The following KCTD8 variants were observed in gnomAD, a reference collection of about 807,000 sequenced individuals.
KCTD8 encodes BTB/POZ domain-containing protein KCTD8.
KCTD8 carries 27 observed loss-of-function variants against 31.5 expected under a neutral mutation model. The observed-to-expected ratio is 0.86, with a 90% CI of 0.63 to 1.18. The LOEUF (loss-of-function observed/expected upper bound fraction) is 1.18. Ranked by LOEUF, KCTD8 falls within the 50% of genes most tolerant of loss-of-function variation. The probability of loss-of-function intolerance (pLI) is 0.00; values close to 1 mark genes in which losing one functional copy is unlikely to be tolerated. For synonymous variants in KCTD8, 290 were observed against 280.0 expected (o/e 1.04, Z -0.36); for missense variants, 658 against 647.7 (o/e 1.02, Z -0.17).
chr4:44,174,904 C>T lies in KCTD8; in HGVS notation c.1308G>A (p.Val436=), dbSNP rs926761461. Residue 436 remains valine (V), a synonymous_variant, in exon 2 of 2, where the codon GTG becomes GTA. Transcript: ENST00000360029. ...GAATACACTTTTTCATTTCTTCTTC[C>T]ACACTTAGCTTCTCACAGACTTTCT... ...SKKKVCEKLS[V]EEEMKKCIQD... is the part of the protein sequence containing the mutation. The T allele has an allele frequency of 1.2e-6, 2 of 1,614,038 alleles. No homozygotes were observed. The highest frequency in any genetic ancestry group is 1.7e-6 in the Non-Finnish European group (2 of 1,179,970).
In KCTD8 at chr4:44,348,553, G is replaced by T. The variant is rs1719098606; in HGVS notation, c.961+99010C>A. Among the ~76,000 whole-genome samples, 3 of 152,058 alleles carry T rather than the reference G, an allele frequency of 2.0e-5. 1 individual carries two copies. The South Asian group carries it at 6.2e-4, about 32-fold the overall frequency. ...ATTCATTCTAATAGTTAATATATGT[G>T]TGTCTTCACTACTGTAAGTTTTTAT... is the stretch of plus-strand genomic sequence containing the variant. On this transcript the variant is annotated intron_variant, in intron 1 of 1. Coordinates refer to ENST00000360029, the MANE Select transcript of KCTD8 (RefSeq NM_198353.3).
chr4:44,440,082 C>T (rs568155345), intron 1 of KCTD8, among the ~76,000 whole-genome samples: 12 of 152,074 alleles, frequency 7.9e-5, no homozygotes, highest in Middle Eastern at 3.4e-3. Context: ...CAGATGCCCG[C>T]CACCACGCCC....
Position 44,401,045 on chromosome 4 carries a change from G to T in KCTD8, c.961+46518C>A, listed in dbSNP as rs183344664. Among the ~76,000 whole-genome samples, 93 of 142,300 alleles carry T rather than the reference G, an allele frequency of 6.5e-4. No homozygotes were observed. The East Asian group carries it at 0.016, about 24-fold the overall frequency. The allele number at this position is 142,300 out of a possible 152,430, so 93.4% of individuals were successfully genotyped here. The stretch of plus-strand genomic sequence containing the variant: ...TTTTTTTTTTTTTTGTAGAGATGGG[G>T]TCTCACTATGTTGTCTAGGCTGGAC... On this transcript the variant is annotated intron_variant, in intron 1 of 1. Transcript: ENST00000360029.
intron 1 of KCTD8, among the ~76,000 whole-genome samples, chr4:44,252,496 C>G (rs564953213): frequency 9.2e-5 from 14 of 151,802 alleles, no homozygotes; most frequent in African/African-American, 3.4e-4. Context: ...GAAGTGTTCC[C>G]TTTTCACTAT....
At chr4:44,254,192 A>G (rs189452754) in intron 1 of KCTD8, among the ~76,000 whole-genome samples, 3 of 151,954 alleles carry the variant, frequency 2.0e-5, no homozygotes, top group Non-Finnish European at 4.4e-5. Context: ...AGTTAAAAAA[A>G]GTGAACTGTT....
chr4:44,407,488 G>A (rs1010108467), intron 1 of KCTD8, among the ~76,000 whole-genome samples: 5 of 151,192 alleles, frequency 3.3e-5, no homozygotes, highest in Non-Finnish European at 7.4e-5. Flanking sequence ...CCAGGTTCAA[G>A]AGATTCTCCT....
chr4:44,291,125 T>G (rs1468230555), intron 1 of KCTD8, among the ~76,000 whole-genome samples: 1 of 151,962 alleles, frequency 6.6e-6, no homozygotes, highest in Non-Finnish European at 1.5e-5. Context: ...ATGACAGAGA[T>G]AGCATTACAA....
intron 1 of KCTD8, among the ~76,000 whole-genome samples, chr4:44,388,931 T>C (rs1354063513): frequency 6.6e-6 from 1 of 151,868 alleles, no homozygotes; most frequent in South Asian, 2.1e-4. Flanking sequence ...CAATGGAGTA[T>C]TATTCAGCCA....
At chr4:44,345,808 C>A (rs1284208411) in intron 1 of KCTD8, among the ~76,000 whole-genome samples, 1 of 151,980 alleles carries the variant, frequency 6.6e-6, no homozygotes, top group Non-Finnish European at 1.5e-5. Flanking sequence ...AGATTTTCAA[C>A]AAAGCCTAGA....
chr4:44,415,654 G>T (rs1164015828), intron 1 of KCTD8, among the ~76,000 whole-genome samples: 2 of 152,258 alleles, frequency 1.3e-5, no homozygotes, highest in Admixed American at 1.3e-4. Context: ...GTACAATTTG[G>T]GCTGCCACTC....
chr4:44,427,866 G>T (rs1365015103), intron 1 of KCTD8, among the ~76,000 whole-genome samples: 1 of 151,548 alleles, frequency 6.6e-6, no homozygotes, highest in East Asian at 1.9e-4. Flanking sequence ...AATAACACTG[G>T]ATTTCCACCT....
chr4:44,410,739 C>T (rs1720933705), intron 1 of KCTD8, among the ~76,000 whole-genome samples: 1 of 152,092 alleles, frequency 6.6e-6, no homozygotes, highest in African/African-American at 2.4e-5. Flanking sequence ...TAACTATCAG[C>T]TCTTGTGAGA....
At chr4:44,397,570 G>A (rs112783096) in intron 1 of KCTD8, among the ~76,000 whole-genome samples, 175 of 152,170 alleles carry the variant, frequency 1.2e-3, no homozygotes, top group African/African-American at 3.7e-3. Flanking sequence ...AATTTTAAGC[G>A]GAGGAACCAA....
chr4:44,436,295 G>C (rs1435401108), intron 1 of KCTD8, among the ~76,000 whole-genome samples: 1 of 152,050 alleles, frequency 6.6e-6, no homozygotes, highest in Non-Finnish European at 1.5e-5. Flanking sequence ...AAAGCAAGCA[G>C]CCATATATTC....
At chr4:44,188,192 T>C (rs1405281866) in intron 1 of KCTD8, among the ~76,000 whole-genome samples, 1 of 152,202 alleles carries the variant, frequency 6.6e-6, no homozygotes, top group East Asian at 1.9e-4. Context: ...GTAGCTGCCA[T>C]ACTATTGAAT....
chr4:44,354,929 C>T (rs1248919898), intron 1 of KCTD8, among the ~76,000 whole-genome samples: 1 of 151,998 alleles, frequency 6.6e-6, no homozygotes, highest in African/African-American at 2.4e-5. Context: ...ATGAAATGCT[C>T]TTCATTTTAA....
intron 1 of KCTD8, among the ~76,000 whole-genome samples, chr4:44,243,228 T>C (rs968309498): frequency 4.6e-5 from 7 of 152,234 alleles, no homozygotes; most frequent in African/African-American, 1.7e-4. Context: ...AATGGAGATA[T>C]GCTAAAACAG....
chr4:44,224,803 C>T (rs554088777), intron 1 of KCTD8, among the ~76,000 whole-genome samples: 8 of 152,254 alleles, frequency 5.3e-5, no homozygotes, highest in Non-Finnish European at 8.8e-5. Context: ...TGGTCTGCTT[C>T]ACAGTCATTC....
chr4:44,402,131 AAGAT>A (rs1280213647), intron 1 of KCTD8, among the ~76,000 whole-genome samples: 3 of 152,322 alleles, frequency 2.0e-5, no homozygotes, highest in Admixed American at 6.5e-5. Flanking sequence ...ATAGAGCAAA[AAGAT>A]AGAGCTGGAG....
Sources: allele counts gnomAD v4.1 joint callset (sites outside exome capture counted in the v4.1 genomes callset), GRCh38; gene constraint gnomAD v4.1.1; transcripts MANE v1.5; gene names NCBI Gene and HGNC (gene_info 2026-07-23, HGNC 2026-07-21).